The following CGREF1 variants were observed in gnomAD, a reference collection of about 807,000 sequenced individuals.
CGREF1 encodes cell growth regulator with EF hand domain protein 1.
CGREF1 carries 16 observed loss-of-function variants against 17.4 expected under a neutral mutation model. That is an observed-to-expected ratio of 0.92 (90% CI 0.62 to 1.40). The LOEUF (loss-of-function observed/expected upper bound fraction) is 1.40. CGREF1 is among the 40% of genes most tolerant of loss of function. The pLI, the probability that CGREF1 is intolerant of heterozygous loss-of-function variation, is 0.00. For missense variants in CGREF1, 296 were observed against 376.4 expected (o/e 0.79, Z 1.77); for synonymous variants, 142 against 154.6 (o/e 0.92, Z 0.61).
At chr2:27,111,768 GGCCCCCGA>G (rs527707052) in intron 1 of CGREF1, among the ~76,000 whole-genome samples, 1,988 of 152,144 alleles carry the variant, frequency 0.013, 47 homozygotes, top group African/African-American at 0.044. Context: ...CCGAGTGCTG[GGCCCCCGA>G]GCCCACGCCC....
chr2:27,102,349 C>T lies in CGREF1; in HGVS notation c.217+11G>A, dbSNP rs758072963. On this transcript the variant is annotated intron_variant, in intron 4 of 5. Coordinates refer to ENST00000402394, the MANE Select transcript of CGREF1 (RefSeq NM_006569.6). ...CCTCCCGTCCCTGGCCCCATCAGCCCAGCCCCTCACCCTGCTCCCGGCTCA... is the reference window on the plus strand; with the variant it reads ...CCTCCCGTCCCTGGCCCCATCAGCCTAGCCCCTCACCCTGCTCCCGGCTCA... The T allele has an allele frequency of 1.2e-6, 2 of 1,614,064 alleles. No homozygotes were observed. The highest frequency in any genetic ancestry group is 2.2e-5 in the South Asian group (2 of 91,086).
At chr2:27,104,201 C>A (rs1359450625) in intron 2 of CGREF1, 86 bp downstream of exon 2, 8 of 1,365,294 alleles carry the variant, frequency 5.9e-6, no homozygotes, top group African/African-American at 1.5e-5. Flanking sequence ...CAGTCTCCTG[C>A]CTCCCAGAGG....
intron 2 of CGREF1, among the ~76,000 whole-genome samples, chr2:27,103,302 A>G (rs1670981211): frequency 6.6e-6 from 1 of 152,066 alleles, no homozygotes; most frequent in African/African-American, 2.4e-5. Context: ...TATAAATAAA[A>G]CCTTCAGAAA....
Position 27,102,094 on chromosome 2 carries a change from T to TACC in CGREF1, c.342_342+2dup, listed in dbSNP as rs778672283. ...GCGGGGATCTCCATCCAGCAGAGCT[T>TACC]ACCGGGTTGGTGGTAGGAGAGTTGG... On this transcript the variant is annotated splice_region_variant and intron_variant, in intron 5 of 5. Transcript: ENST00000402394. 1.2e-6 allele frequency: 2 copies of TACC among 1,602,996 alleles called. No individual in the cohort carries two copies.
intron 1 of CGREF1, among the ~76,000 whole-genome samples, chr2:27,111,764 G>A (rs1052190852): frequency 6.6e-6 from 1 of 151,862 alleles, no homozygotes; most frequent in African/African-American, 2.4e-5. Context: ...AGCTCCGAGT[G>A]CTGGGCCCCC....
chr2:27,113,833 C>A (rs1431233636), intron 1 of CGREF1, among the ~76,000 whole-genome samples: 2 of 152,098 alleles, frequency 1.3e-5, no homozygotes, highest in Non-Finnish European at 2.9e-5. Context: ...GCTTCACACA[C>A]CCCCTTCCCA....
At chr2:27,112,728 T>C (rs866230605) in intron 1 of CGREF1, among the ~76,000 whole-genome samples, 43 of 152,368 alleles carry the variant, frequency 2.8e-4, no homozygotes, top group African/African-American at 9.4e-4. Flanking sequence ...TATTATGTGA[T>C]AGAACCATTA....
intron 1 of CGREF1, among the ~76,000 whole-genome samples, chr2:27,109,371 TAAAA>T (rs11314590): frequency 7.5e-6 from 1 of 133,888 alleles, no homozygotes; most frequent in Non-Finnish European, 1.6e-5. Context: ...GACCCTGTCT[TAAAA>T]AAAAAAAAAA....
chr2:27,105,118 AC>A (rs1671066352), intron 1 of CGREF1, among the ~76,000 whole-genome samples: 1 of 152,232 alleles, frequency 6.6e-6, no homozygotes, highest in African/African-American at 2.4e-5. Context: ...GACCAATCAA[AC>A]AGAGCCTAAA....
In CGREF1 at chr2:27,101,086, T is replaced by C; in HGVS notation, c.*188A>G. Reference sequence around the variant, plus strand: ...AGAGGTGGCCGGGGGGATGAATTCATTCAGTTCTTTATTGGTAATCTGCCC... The same window carrying C: ...AGAGGTGGCCGGGGGGATGAATTCACTCAGTTCTTTATTGGTAATCTGCCC... On this transcript the variant is annotated 3_prime_UTR_variant, in exon 6 of 6. Transcript: ENST00000402394. The C allele has an allele frequency of 1.5e-6, 2 of 1,351,230 alleles. No homozygotes were observed. Among genetic ancestry groups the C allele is most frequent in the Non-Finnish European group, 9.4e-7 (1 of 1,058,218 alleles). 83.7% of individuals were successfully genotyped at this position (1,351,230 alleles called of 1,614,324 possible). A position where few individuals can be genotyped will look rare whatever the true frequency, so the allele number is the denominator to read the frequency against.
chr2:27,104,222 C>A, intron 2 of CGREF1, 65 bp downstream of exon 2: 1 of 1,491,760 alleles, frequency 6.7e-7, no homozygotes, highest in South Asian at 1.4e-5. Flanking sequence ...GCCCACCACA[C>A]CCTTGGATTC....
chr2:27,114,236 G>A (rs1044780122), intron 1 of CGREF1, among the ~76,000 whole-genome samples: 6 of 151,800 alleles, frequency 4.0e-5, no homozygotes, highest in African/African-American at 9.7e-5. Context: ...CTCGTGATCC[G>A]CCTGCCTCAG....
At chr2:27,099,867 G>C, downstream of CGREF1, 6 of 1,550,730 alleles carry the variant, frequency 3.9e-6, no homozygotes, top group Non-Finnish European at 5.2e-6. Context: ...TGCAAGCTGT[G>C]GGGAGGACTC....
In CGREF1 at chr2:27,104,378, C is replaced by T; in HGVS notation, c.-11-1G>A. On this transcript the variant is annotated splice_acceptor_variant, in intron 1 of 5. Coordinates refer to ENST00000402394, the MANE Select transcript of CGREF1 (RefSeq NM_006569.6). LOFTEE classifies it low-confidence loss of function (5UTR_SPLICE). ...GTCAAAGGTAACATCCTTCCTGGAA[C>T]TGGAACAAGGAAGAGAATCAGGGGT... The T allele has an allele frequency of 6.2e-7, 1 of 1,613,738 alleles. No homozygotes were observed. Among genetic ancestry groups the T allele is most frequent in the Non-Finnish European group, 8.5e-7 (1 of 1,179,870 alleles).
At chr2:27,112,155 T>C (rs991438784) in intron 1 of CGREF1, among the ~76,000 whole-genome samples, 1 of 152,170 alleles carries the variant, frequency 6.6e-6, no homozygotes, top group Non-Finnish European at 1.5e-5. Context: ...TGCACGCCTG[T>C]AGTCCTAGCT....
intron 2 of CGREF1, chr2:27,103,203 T>A: frequency 1.3e-6 from 1 of 742,056 alleles, no homozygotes. Context: ...CTGGCAGGAG[T>A]TGCAGCGACT....
At chr2:27,112,860 G>C (rs1671441093) in intron 1 of CGREF1, among the ~76,000 whole-genome samples, 1 of 152,220 alleles carries the variant, frequency 6.6e-6, no homozygotes, top group Non-Finnish European at 1.5e-5. Context: ...ACAAGTGACA[G>C]AGAACTGAAG....
intron 1 of CGREF1, among the ~76,000 whole-genome samples, chr2:27,106,655 G>A (rs115078160): frequency 0.012 from 1,834 of 152,160 alleles, 37 homozygotes; most frequent in African/African-American, 0.042. Context: ...TCACTCTGTC[G>A]CCCAGGCTGG....
In CGREF1 at chr2:27,101,101, G is replaced by T. The variant is rs987199093; in HGVS notation, c.*173C>A. 7.3e-7 allele frequency: 1 copy of T among 1,372,922 alleles called. No individual in the cohort carries two copies. Among genetic ancestry groups the T allele is most frequent in the African/African-American group, 1.5e-5 (1 of 68,058 alleles). The allele number at this position is 1,372,922 out of a possible 1,614,324, so 85.0% of individuals were successfully genotyped here. ...GATGAATTCATTCAGTTCTTTATTG[G>T]TAATCTGCCCCTTAACTTAGGGTCT... On this transcript the variant is annotated 3_prime_UTR_variant, in exon 6 of 6. Coordinates refer to ENST00000402394, the MANE Select transcript of CGREF1 (RefSeq NM_006569.6).
Sources: gnomAD v4.1 joint callset for allele counts (sites outside exome capture counted in the v4.1 genomes callset) on GRCh38, gnomAD v4.1.1 for gene constraint, MANE v1.5 for transcripts, NCBI Gene and HGNC (gene_info 2026-07-23, HGNC 2026-07-21) for gene names.